CDK14: variants seen among roughly 807,000 people sequenced by gnomAD.
CDK14 encodes cyclin dependent kinase 14, also known as cyclin-dependent kinase 14.
Under a neutral mutation model 60.7 loss-of-function variants are expected in CDK14, and 34 were observed. The observed-to-expected ratio is 0.56, with a 90% CI of 0.43 to 0.75. The LOEUF (loss-of-function observed/expected upper bound fraction) is 0.75. Among genes scored for constraint, CDK14 ranks in the 30% least tolerant of loss-of-function variants. The pLI is 0.00. For missense variants in CDK14, 482 were observed against 564.1 expected, an observed-to-expected ratio of 0.85 and a Z score of 1.47; for synonymous variants, 197 against 203.7, an observed-to-expected ratio of 0.97 and a Z score of 0.28.
intron 2 of CDK14, among the ~76,000 whole-genome samples, chr7:90,616,864 C>G (rs1799660120): frequency 6.6e-6 from 1 of 151,782 alleles, no homozygotes; most frequent in Non-Finnish European, 1.5e-5. Context: ...CTTATTATAT[C>G]ATCATCATCA....
At chr7:90,810,913 C>A (rs964441439) in intron 5 of CDK14, among the ~76,000 whole-genome samples, 1 of 151,802 alleles carries the variant, frequency 6.6e-6, no homozygotes, top group Non-Finnish European at 1.5e-5. Flanking sequence ...TTACAAGGGA[C>A]GTGAAGGACC....
rs866945899 is a variant in CDK14 at position 91,163,807 on chromosome 7, G to A, written c.*29-43358G>A. On this transcript the variant is annotated intron_variant, in intron 14 of 14. Coordinates refer to ENST00000380050, the MANE Select transcript of CDK14 (RefSeq NM_001287135.2). Reference sequence around the variant, plus strand: ...GCTGGTAATATTCAGAATTATTAAGGAATAAGATGATCCATATGAAAAAAA... The same window carrying A: ...GCTGGTAATATTCAGAATTATTAAGAAATAAGATGATCCATATGAAAAAAA... Among the ~76,000 whole-genome samples the A allele has an allele frequency of 3.3e-5, 5 of 152,028 alleles. No individual in the cohort carries two copies. In the South Asian group the frequency reaches 8.3e-4, roughly 25 times the overall value.
intron 11 of CDK14, among the ~76,000 whole-genome samples, chr7:91,076,971 G>A (rs372154334): frequency 6.6e-6 from 1 of 152,274 alleles, no homozygotes; most frequent in Admixed American, 6.5e-5. Flanking sequence ...TGTCAGAATG[G>A]CAATTATTAA....
intron 10 of CDK14, among the ~76,000 whole-genome samples, chr7:91,026,783 A>G (rs539357859): frequency 9.9e-4 from 151 of 152,298 alleles, no homozygotes; most frequent in African/African-American, 3.4e-3. Flanking sequence ...CACATTTCAT[A>G]GTCATATATG....
chr7:91,046,280 A>T lies in CDK14; in HGVS notation c.1105+320A>T, dbSNP rs528939886. Among the ~76,000 whole-genome samples, 4 of 152,296 alleles carry T rather than the reference A, an allele frequency of 2.6e-5. No homozygotes were observed. The South Asian group carries it at 8.3e-4, about 32-fold the overall frequency. ...ACAAAATTTAAATTGGGTTGCTGTA[A>T]TCCATCTGTGTCACTTCTTGTAGTA... On this transcript the variant is annotated intron_variant, in intron 11 of 14. Coordinates refer to ENST00000380050, the MANE Select transcript of CDK14 (RefSeq NM_001287135.2).
intron 8 of CDK14, among the ~76,000 whole-genome samples, chr7:90,930,293 G>A (rs1181474694): frequency 1.3e-5 from 2 of 152,116 alleles, no homozygotes; most frequent in Non-Finnish European, 2.9e-5. Context: ...GTAGATTGTG[G>A]ATTCCTTAGC....
At chr7:90,820,224 G>C (rs1230872025) in intron 5 of CDK14, among the ~76,000 whole-genome samples, 1 of 152,074 alleles carries the variant, frequency 6.6e-6, no homozygotes, top group Non-Finnish European at 1.5e-5. Context: ...GAAGTCCTCT[G>C]TCTTCTCTAA....
chr7:90,883,894 C>T (rs891539005), intron 6 of CDK14, among the ~76,000 whole-genome samples: 23 of 152,242 alleles, frequency 1.5e-4, no homozygotes, highest in African/African-American at 4.3e-4. Flanking sequence ...AATGTTCTTT[C>T]AAGTTAAAAC....
chr7:91,029,717 G>A (rs1234208995), intron 10 of CDK14, among the ~76,000 whole-genome samples: 2 of 150,010 alleles, frequency 1.3e-5, no homozygotes, highest in African/African-American at 4.9e-5. Context: ...CATTATTGGT[G>A]TGTAGCAGTG....
chr7:91,200,969 A>G (rs1316096808), intron 14 of CDK14, among the ~76,000 whole-genome samples: 1 of 152,178 alleles, frequency 6.6e-6, no homozygotes, highest in Non-Finnish European at 1.5e-5. Context: ...ATGGAAACTC[A>G]TTATACATCC....
intron 14 of CDK14, among the ~76,000 whole-genome samples, chr7:91,122,284 GA>G (rs1344262145): frequency 2.0e-5 from 3 of 150,720 alleles, no homozygotes; most frequent in African/African-American, 2.4e-5. Flanking sequence ...ACATGATAAT[GA>G]AAAAAAAATG....
At chr7:91,100,233 G>A (rs975174942) in intron 12 of CDK14, among the ~76,000 whole-genome samples, 4 of 152,086 alleles carry the variant, frequency 2.6e-5, no homozygotes, top group Non-Finnish European at 4.4e-5. Context: ...TGCTATTTAT[G>A]CATGTAGAAT....
At chr7:90,956,696 G>A (rs918226342) in intron 9 of CDK14, among the ~76,000 whole-genome samples, 1 of 151,886 alleles carries the variant, frequency 6.6e-6, no homozygotes, top group South Asian at 2.1e-4. Context: ...CGTGTGCCAT[G>A]CTGGTGCGCT....
chr7:90,920,978 A>C (rs781722624), intron 8 of CDK14, among the ~76,000 whole-genome samples: 1 of 152,022 alleles, frequency 6.6e-6, no homozygotes, highest in Non-Finnish European at 1.5e-5. Context: ...TTAAACCCTT[A>C]CCTGAGCCTT....
intron 2 of CDK14, among the ~76,000 whole-genome samples, chr7:90,611,494 A>G (rs1401721394): frequency 6.6e-6 from 1 of 152,208 alleles, no homozygotes; most frequent in Non-Finnish European, 1.5e-5. Flanking sequence ...TTTCCAAGCT[A>G]AAAACCTGAT....
intron 14 of CDK14, among the ~76,000 whole-genome samples, chr7:91,156,277 G>A (rs1401665886): frequency 1.3e-5 from 2 of 152,018 alleles, no homozygotes; most frequent in African/African-American, 4.8e-5. Flanking sequence ...ATCATTCCAA[G>A]GTTGATTTTT....
chr7:91,194,816 G>C (rs1031257056), intron 14 of CDK14, among the ~76,000 whole-genome samples: 2 of 152,172 alleles, frequency 1.3e-5, no homozygotes, highest in African/African-American at 2.4e-5. Flanking sequence ...GGAGATTCTG[G>C]TTTGGGGTAA....
At chr7:91,091,685 AGAAGGAAG>A (rs138061227) in intron 12 of CDK14, among the ~76,000 whole-genome samples, 3 of 140,262 alleles carry the variant, frequency 2.1e-5, no homozygotes, top group African/African-American at 5.7e-5. Context: ...AGAGAAAGGG[AGAAGGAAG>A]GAAGGAAGGA....
At chr7:91,075,962 T>G (rs1401857423) in intron 11 of CDK14, among the ~76,000 whole-genome samples, 2 of 151,344 alleles carry the variant, frequency 1.3e-5, no homozygotes, top group Admixed American at 6.6e-5. Flanking sequence ...CTCAAGAAAA[T>G]AAGAGAGGAC....
Sources: allele counts gnomAD v4.1 joint callset (sites outside exome capture counted in the v4.1 genomes callset), GRCh38; gene constraint gnomAD v4.1.1; transcripts MANE v1.5; gene names NCBI Gene and HGNC (gene_info 2026-07-23, HGNC 2026-07-21).